AVPR1A: variants seen among roughly 807,000 people sequenced by gnomAD.
AVPR1A encodes arginine vasopressin receptor 1A.
In AVPR1A, 31 loss-of-function variants were observed where a neutral mutation model predicts 31.5. The observed-to-expected ratio is 0.99, with a 90% confidence interval of 0.74 to 1.33. The LOEUF (loss-of-function observed/expected upper bound fraction) is 1.33. Ranked by LOEUF, AVPR1A falls within the 40% of genes most tolerant of loss-of-function variation. The pLI, the probability that AVPR1A is intolerant of heterozygous loss-of-function variation, is 0.00. For synonymous variants in AVPR1A, 243 were observed against 233.2 expected (o/e 1.04, Z -0.38); for missense variants, 570 against 575.2 (o/e 0.99, Z 0.09).
Position 63,150,043 on chromosome 12 carries a change from G to C in AVPR1A, c.794C>G (p.Ala265Gly). ...TGCGAGCAGGAACCCCTTTTGGAAG[G>C]CCACACCCGCTTGCTCTGCACCCTT... ...QSKGAEQAGV[A>G]FQKGFLLAPC... Residue 265 changes from alanine to glycine, a missense_variant, in exon 1 of 2, where the codon GCC (alanine) becomes GGC (glycine). Ala to Gly is a moderately conservative substitution (Grantham distance 60). Transcript: ENST00000299178. This position sits in a 1 kb window ranked among gnomAD's most constrained non-coding sequence, Gnocchi z 4.9. The C allele has an allele frequency of 6.2e-7, 1 of 1,614,106 alleles. No individual in the cohort carries two copies. The highest frequency in any genetic ancestry group is 8.5e-7 in the Non-Finnish European group (1 of 1,180,022).
At position 63,150,418 on chromosome 12, in the gene AVPR1A, T is replaced by C. The variant is rs745458336; in HGVS notation, c.419A>G (p.Tyr140Cys). ...LQVFGMFASA[Y>C]MLVVMTADRY... ...GTCGGCTGTCATGACTACCAGCATG[T>C]AGGCCGACGCAAACATGCCGAACAC... is the stretch of plus-strand genomic sequence containing the variant. The change falls in exon 1 of 2, where the codon TAC (tyrosine) becomes TGC (cysteine). Residue 140 changes from tyrosine (Y) to cysteine (C), a missense_variant. Coordinates refer to ENST00000299178, the MANE Select transcript of AVPR1A (RefSeq NM_000706.5). The surrounding 1 kb of genome is among the most constrained non-coding windows in gnomAD (Gnocchi z 4.9). 8.7e-6 allele frequency: 14 copies of C among 1,613,758 alleles called. No homozygotes were observed. The highest frequency in any genetic ancestry group is 1.1e-5 in the Non-Finnish European group (13 of 1,179,938).
chr12:63,150,081 C>T lies in AVPR1A; in HGVS notation c.756G>A (p.Ala252=). ...GCTCTGCACCCTTGCTCTGGCGCGA[C>T]GCCGTCTTCCCGCGGACGTTGCACC... ...NIWCNVRGKT[A]SRQSKGAEQA... The change falls in exon 1 of 2, where the codon GCG becomes GCA. Residue 252 remains alanine (A), a synonymous_variant. Coordinates refer to ENST00000299178, the MANE Select transcript of AVPR1A (RefSeq NM_000706.5). The surrounding 1 kb of genome is among the most constrained non-coding windows in gnomAD (Gnocchi z 4.9). 6.2e-7 allele frequency: 1 copy of T among 1,614,110 alleles called. No homozygotes were observed. The highest frequency in any genetic ancestry group is 8.5e-7 in the Non-Finnish European group (1 of 1,180,022).
Position 63,145,079 on chromosome 12 carries a change from A to C in AVPR1A, c.*2280T>G, listed in dbSNP as rs1315461719. On this transcript the variant is annotated 3_prime_UTR_variant, in exon 2 of 2. Coordinates refer to ENST00000299178, the MANE Select transcript of AVPR1A (RefSeq NM_000706.5). ...GAACTATCAAAGAGTTGTTAAAAGG[A>C]CTGACAGTCTTCGAGTGCTGGGTTA... is the stretch of plus-strand genomic sequence containing the variant. 2 of 174,246 alleles carry C rather than the reference A, an allele frequency of 1.1e-5. No individual in the cohort carries two copies. The highest frequency in any genetic ancestry group is 3.2e-4 in the East Asian group (2 of 6,308). 10.8% of individuals were successfully genotyped at this position (174,246 alleles called of 1,614,324 possible). A position where few individuals can be genotyped will look rare whatever the true frequency, so the allele number is the denominator to read the frequency against.
chr12:63,148,477 G>A (rs1868392029), intron 1 of AVPR1A, among the ~76,000 whole-genome samples: 1 of 152,042 alleles, frequency 6.6e-6, no homozygotes, highest in Admixed American at 6.6e-5. Flanking sequence ...ATCATACTTA[G>A]TGCTAAGATG....
In AVPR1A at chr12:63,144,577, G is replaced by A. The variant is rs1868343814; in HGVS notation, c.*2782C>T. On this transcript the variant is annotated 3_prime_UTR_variant, in exon 2 of 2. Transcript: ENST00000299178. The stretch of plus-strand genomic sequence containing the variant: ...CAGGTCTTCTCTTTAGTCAAGAAAA[G>A]GAAAACTTCCCTTCCCGGAATACTT... The A allele has an allele frequency of 6.6e-6, 1 of 152,198 alleles. No individual in the cohort carries two copies. The highest frequency in any genetic ancestry group is 6.5e-5 in the Admixed American group (1 of 15,280). 9.4% of individuals were successfully genotyped at this position (152,198 alleles called of 1,614,324 possible). A position where few individuals can be genotyped will look rare whatever the true frequency, so the allele number is the denominator to read the frequency against.
In AVPR1A at chr12:63,147,650, A is replaced by C; in HGVS notation, c.971-5T>G. ...TGATGGTAGGGTTTTCCGATTCTGC[A>C]TGAAAAATATAAAGGGAAATCATGT... On this transcript the variant is annotated splice_polypyrimidine_tract_variant and splice_region_variant and intron_variant, in intron 1 of 1. Transcript: ENST00000299178. The C allele has an allele frequency of 6.2e-7, 1 of 1,608,328 alleles. No homozygotes were observed. The highest frequency in any genetic ancestry group is 8.5e-7 in the Non-Finnish European group (1 of 1,175,440).
rs1379093654 is a variant in AVPR1A at position 63,150,051 on chromosome 12, C to T, written c.786G>A (p.Ala262=). ...GGAACCCCTTTTGGAAGGCCACACC[C>T]GCTTGCTCTGCACCCTTGCTCTGGC... ...ASRQSKGAEQ[A]GVAFQKGFLL... is the part of the protein sequence containing the mutation. Residue 262 remains alanine (A), a synonymous_variant, in exon 1 of 2, where the codon GCG becomes GCA. Coordinates refer to ENST00000299178, the MANE Select transcript of AVPR1A (RefSeq NM_000706.5). The surrounding 1 kb of genome is among the most constrained non-coding windows in gnomAD (Gnocchi z 4.9). 6.2e-7 allele frequency: 1 copy of T among 1,614,120 alleles called. No homozygotes were observed. The highest frequency in any genetic ancestry group is 1.3e-5 in the African/African-American group (1 of 75,038).
In AVPR1A at chr12:63,150,352, T is replaced by C. The variant is rs925524625; in HGVS notation, c.485A>G (p.Gln162Arg). 6.2e-7 allele frequency: 1 copy of C among 1,613,902 alleles called. No individual in the cohort carries two copies. Among genetic ancestry groups the C allele is most frequent in the Non-Finnish European group, 8.5e-7 (1 of 1,179,996 alleles). The change falls in exon 1 of 2, where the codon CAG becomes CGG. Residue 162 changes from glutamine to arginine, a missense_variant. Physicochemically the swap from Gln to Arg is conservative, Grantham distance 43. Transcript: ENST00000299178. This position sits in a 1 kb window ranked among gnomAD's most constrained non-coding sequence, Gnocchi z 4.9. Reference sequence around the variant, plus strand: ...CATGAGGCGCGAGCGGCGCGCGGGCTGTTGCAGAGTCTTGAGCGGGTGGCA... The same window carrying C: ...CATGAGGCGCGAGCGGCGCGCGGGCCGTTGCAGAGTCTTGAGCGGGTGGCA... ...AVCHPLKTLQ[Q>R]PARRSRLMIA...
Position 63,150,701 on chromosome 12 carries a change from G to A in AVPR1A, c.136C>T (p.Arg46Cys). 1 of 1,606,658 alleles carries A rather than the reference G, an allele frequency of 6.2e-7. No homozygotes were observed. ...TCCAGTTTGGCCAGCTCCTCGTTGCGCACGTCCCTCGGTGGGCCGTTGCCC... is the reference window on the plus strand; with the variant it reads ...TCCAGTTTGGCCAGCTCCTCGTTGCACACGTCCCTCGGTGGGCCGTTGCCC... Reference protein sequence around the residue: ...GEGNGPPRDVRNEELAKLEIA... With the variant: ...GEGNGPPRDVCNEELAKLEIA... Residue 46 changes from arginine (R) to cysteine (C), a missense_variant, in exon 1 of 2, where the codon CGC (arginine) becomes TGC (cysteine). Coordinates refer to ENST00000299178, the MANE Select transcript of AVPR1A (RefSeq NM_000706.5). This position sits in a 1 kb window ranked among gnomAD's most constrained non-coding sequence, Gnocchi z 4.9.
chr12:63,142,940 A>G lies in AVPR1A; in HGVS notation c.*4419T>C, dbSNP rs1040548799. ...AATCATTCAGTTGCCCCAGGAAAAA[A>G]CACACTGAAATTATTTTAGATAGCA... On this transcript the variant is annotated 3_prime_UTR_variant, in exon 2 of 2. Transcript: ENST00000299178. 2.6e-5 allele frequency: 4 copies of G among 152,224 alleles called. No homozygotes were observed. Among genetic ancestry groups the G allele is most frequent in the African/African-American group, 9.6e-5 (4 of 41,560 alleles). The allele number at this position is 152,224 out of a possible 1,614,324, so 9.4% of individuals were successfully genotyped here. A position where few individuals can be genotyped will look rare whatever the true frequency, so the allele number is the denominator to read the frequency against.
At position 63,143,426 on chromosome 12, in the gene AVPR1A, C is replaced by T. The variant is rs1416651202; in HGVS notation, c.*3933G>A. On this transcript the variant is annotated 3_prime_UTR_variant, in exon 2 of 2. Transcript: ENST00000299178. ...TTTTCATTCATGATAACTTAGTATG[C>T]CTAATAATTATGTTAAAACAATATT... The T allele has an allele frequency of 6.6e-6, 1 of 152,050 alleles. No individual in the cohort carries two copies. Among genetic ancestry groups the T allele is most frequent in the Non-Finnish European group, 1.5e-5 (1 of 68,008 alleles). 9.4% of individuals were successfully genotyped at this position (152,050 alleles called of 1,614,324 possible).
Position 63,147,395 on chromosome 12 carries a change from A to C in AVPR1A, c.1221T>G (p.Ser407=). 6.2e-7 allele frequency: 1 copy of C among 1,613,992 alleles called. No individual in the cohort carries two copies. The highest frequency in any genetic ancestry group is 8.5e-7 in the Non-Finnish European group (1 of 1,179,862). The change falls in exon 2 of 2, where the codon TCT becomes TCG. Residue 407 remains serine (S), a synonymous_variant. Coordinates refer to ENST00000299178, the MANE Select transcript of AVPR1A (RefSeq NM_000706.5). ...CAGGAATGAATTTGATGGACTTGGAAGATTTAGGCGAGTCCTTCCACATAC... is the reference window on the plus strand; with the variant it reads ...CAGGAATGAATTTGATGGACTTGGACGATTTAGGCGAGTCCTTCCACATAC... ...STGMWKDSPK[S]SKSIKFIPVS...
At position 63,151,089 on chromosome 12, in the gene AVPR1A, G is replaced by T; in HGVS notation, c.-253C>A. ...CTTTTTTCAACTTCGGCGAGGTCGG[G>T]AAGGTGAGCTCCGAGCTTCCGGAAG... is the stretch of plus-strand genomic sequence containing the variant. On this transcript the variant is annotated 5_prime_UTR_variant, in exon 1 of 2. Coordinates refer to ENST00000299178, the MANE Select transcript of AVPR1A (RefSeq NM_000706.5). 2.0e-6 allele frequency: 1 copy of T among 496,100 alleles called. No individual in the cohort carries two copies. Among genetic ancestry groups the T allele is most frequent in the South Asian group, 3.4e-5 (1 of 29,460 alleles). 30.7% of individuals were successfully genotyped at this position (496,100 alleles called of 1,614,324 possible).
Position 63,145,170 on chromosome 12 carries a change from C to T in AVPR1A, c.*2189G>A, listed in dbSNP as rs571229333. 3.4e-6 allele frequency: 1 copy of T among 292,914 alleles called. No individual in the cohort carries two copies. The highest frequency in any genetic ancestry group is 2.2e-5 in the African/African-American group (1 of 45,676). The allele number at this position is 292,914 out of a possible 1,614,324, so 18.1% of individuals were successfully genotyped here. A position where few individuals can be genotyped will look rare whatever the true frequency, so the allele number is the denominator to read the frequency against. On this transcript the variant is annotated 3_prime_UTR_variant, in exon 2 of 2. Transcript: ENST00000299178. ...TAGTTATGGCTTATATTGGACAGTA[C>T]CCTTTAAGAGACATATTTGTTATTT...
In AVPR1A at chr12:63,146,625, T is replaced by C. The variant is rs1868362644; in HGVS notation, c.*734A>G. The C allele has an allele frequency of 6.6e-6, 1 of 152,180 alleles. No individual in the cohort carries two copies. The highest frequency in any genetic ancestry group is 2.1e-4 in the South Asian group (1 of 4,830). The allele number at this position is 152,180 out of a possible 1,614,324, so 9.4% of individuals were successfully genotyped here. A position where few individuals can be genotyped will look rare whatever the true frequency, so the allele number is the denominator to read the frequency against. On this transcript the variant is annotated 3_prime_UTR_variant, in exon 2 of 2. Coordinates refer to ENST00000299178, the MANE Select transcript of AVPR1A (RefSeq NM_000706.5). Reference sequence around the variant, plus strand: ...ATCTGACTTTAAAACAACCTCGCAGTGGGGGAAAAAAGATATTTTTGGCCA... The same window carrying C: ...ATCTGACTTTAAAACAACCTCGCAGCGGGGGAAAAAAGATATTTTTGGCCA...
rs1233120329 is a variant in AVPR1A, at chr12:63,150,741, G to A, written c.96C>T (p.Ala32=). ...ATGAGNTSRE[A]EALGEGNGPP... ...GGCCGTTGCCCTCCCCGAGGGCTTC[G>A]GCCTCCCGGCTTGTGTTGCCAGCGC... Residue 32 remains alanine, a synonymous_variant, in exon 1 of 2, where the codon GCC becomes GCT. Transcript: ENST00000299178. This position sits in a 1 kb window ranked among gnomAD's most constrained non-coding sequence, Gnocchi z 4.9. The A allele has an allele frequency of 1.2e-6, 2 of 1,601,628 alleles. No homozygotes were observed. Among genetic ancestry groups the A allele is most frequent in the Non-Finnish European group, 8.5e-7 (1 of 1,179,670 alleles).
At chr12:63,147,745 T>C (rs938901634) in intron 1 of AVPR1A, 100 bp from the exon 2 acceptor site, 22 of 1,266,640 alleles carry the variant, frequency 1.7e-5, no homozygotes, top group Non-Finnish European at 2.3e-5. Context: ...TTCTGGATTA[T>C]CATAGAAAAT....
chr12:63,149,481 A>C (rs1267249570), intron 1 of AVPR1A, among the ~76,000 whole-genome samples: 1 of 152,186 alleles, frequency 6.6e-6, no homozygotes, highest in African/African-American at 2.4e-5. Flanking sequence ...GTGTTAATAC[A>C]GTAGCTAGTG....
Position 63,144,151 on chromosome 12 carries a change from A to G in AVPR1A, c.*3208T>C, listed in dbSNP as rs921421004. 1.3e-5 allele frequency: 2 copies of G among 152,188 alleles called. No individual in the cohort carries two copies. Among genetic ancestry groups the G allele is most frequent in the African/African-American group, 4.8e-5 (2 of 41,426 alleles). The allele number at this position is 152,188 out of a possible 1,614,324, so 9.4% of individuals were successfully genotyped here. On this transcript the variant is annotated 3_prime_UTR_variant, in exon 2 of 2. Coordinates refer to ENST00000299178, the MANE Select transcript of AVPR1A (RefSeq NM_000706.5). ...CATACCCTTCCCGAAATCATGGCATAAGACTTGTTTGATGATGATAGAAAT... is the reference window on the plus strand; with the variant it reads ...CATACCCTTCCCGAAATCATGGCATGAGACTTGTTTGATGATGATAGAAAT...
Sources: gnomAD v4.1 joint callset for allele counts (sites outside exome capture counted in the v4.1 genomes callset) on GRCh38, gnomAD v4.1.1 for gene constraint, Gnocchi (gnomAD v3.1) non-coding constraint, MANE v1.5 for transcripts, NCBI Gene and HGNC (gene_info 2026-07-23, HGNC 2026-07-21) for gene names.